Variants in ZNF706 observed in about 807,000 individuals in gnomAD.
ZNF706 encodes zinc finger protein 706.
A neutral mutation model predicts 9.2 loss-of-function variants in ZNF706; 4 were observed. That is an observed-to-expected ratio of 0.43 (90% CI 0.21 to 0.99). The LOEUF is 0.99. ZNF706 is among the 50% of genes least tolerant of loss of function. ZNF706 has a pLI of 0.26. For synonymous variants in ZNF706, 28 were observed against 27.3 expected (o/e 1.03, Z -0.08); for missense variants, 27 against 87.8 (o/e 0.31, Z 2.77).
At chr8:101,199,615 T>A (rs1293246782) in intron 3 of ZNF706, among the ~76,000 whole-genome samples, 1 of 152,188 alleles carries the variant, frequency 6.6e-6, no homozygotes, top group Admixed American at 6.5e-5. Context: ...GAACCTCTGC[T>A]AAGTACTATA....
rs182464719 is a variant in ZNF706, at chr8:101,198,832, A to G, written c.*420T>C. 2.4e-5 allele frequency: 4 copies of G among 165,826 alleles called. No individual in the cohort carries two copies. The highest frequency in any genetic ancestry group is 3.4e-4 in the East Asian group (2 of 5,920). 10.3% of individuals were successfully genotyped at this position (165,826 alleles called of 1,614,324 possible). ...CCTGCCACTGAGCAGAGAAAGGGAT[A>G]TAAGAATTGCACTTGCAATTCTAGC... On this transcript the variant is annotated 3_prime_UTR_variant, in exon 4 of 4. Transcript: ENST00000311212.
intron 1 of ZNF706, chr8:101,204,806 C>G: frequency 1.0e-6 from 1 of 985,410 alleles, no homozygotes; most frequent in Non-Finnish European, 1.2e-6. Flanking sequence ...AAATGAGTAA[C>G]AGAAGAAAAG....
At chr8:101,203,022 A>G (rs1001488223) in intron 1 of ZNF706, 1 of 152,350 alleles carries the variant, frequency 6.6e-6, no homozygotes, top group East Asian at 1.9e-4. Flanking sequence ...TGAGATTATC[A>G]GCAAGCCACT....
chr8:101,202,475 C>T (rs1810597435), intron 1 of ZNF706: 1 of 151,774 alleles, frequency 6.6e-6, no homozygotes, highest in South Asian at 2.1e-4. Context: ...TAAACAAACA[C>T]ACAAACAAAA....
At chr8:101,202,492 T>C (rs906602552) in intron 1 of ZNF706, 2 of 151,940 alleles carry the variant, frequency 1.3e-5, no homozygotes, top group African/African-American at 4.8e-5. Flanking sequence ...AAAAAATTGT[T>C]ACAAGTAACA....
At chr8:101,203,302 T>C (rs1810631820) in intron 1 of ZNF706, 1 of 152,198 alleles carries the variant, frequency 6.6e-6, no homozygotes, top group Non-Finnish European at 1.5e-5. Context: ...TTTAAATATA[T>C]CAAAATTGGA....
At position 101,198,285 on chromosome 8, in the gene ZNF706, G is replaced by C. The variant is rs1455413917; in HGVS notation, c.*967C>G. ...TCACTTAGAAAAGAAAGGAGGGAGA[G>C]GGTTCTGGGAATTAATCCAGCCACA... On this transcript the variant is annotated 3_prime_UTR_variant, in exon 4 of 4. Coordinates refer to ENST00000311212, the MANE Select transcript of ZNF706 (RefSeq NM_016096.5). 1 of 152,112 alleles carries C rather than the reference G, an allele frequency of 6.6e-6. No individual in the cohort carries two copies. The highest frequency in any genetic ancestry group is 2.4e-5 in the African/African-American group (1 of 41,418). 9.4% of individuals were successfully genotyped at this position (152,112 alleles called of 1,614,324 possible). A position where few individuals can be genotyped will look rare whatever the true frequency, so the allele number is the denominator to read the frequency against.
chr8:101,200,244 G>A, intron 2 of ZNF706, 147 bp from the exon 3 acceptor site: 1 of 583,168 alleles, frequency 1.7e-6, no homozygotes, highest in South Asian at 2.0e-5. Flanking sequence ...CATATGAAGA[G>A]GGACTTTGTG....
At position 101,198,494 on chromosome 8, in the gene ZNF706, T is replaced by C. The variant is rs909083514; in HGVS notation, c.*758A>G. ...TTGTTCCATATTTTGCATTAAACAA[T>C]AGGCTTAATGATTATTTCATTACGG... On this transcript the variant is annotated 3_prime_UTR_variant, in exon 4 of 4. Transcript: ENST00000311212. The C allele has an allele frequency of 6.6e-5, 10 of 152,310 alleles. No individual in the cohort carries two copies. The highest frequency in any genetic ancestry group is 2.4e-4 in the African/African-American group (10 of 41,584). The allele number at this position is 152,310 out of a possible 1,614,324, so 9.4% of individuals were successfully genotyped here.
rs1810546967 is a variant in ZNF706, at chr8:101,201,301, G to A, written c.135+306C>T. On this transcript the variant is annotated intron_variant, in intron 2 of 3. Transcript: ENST00000311212. The surrounding 1 kb of genome is among the most constrained non-coding windows in gnomAD (Gnocchi z 4.5). The stretch of plus-strand genomic sequence containing the variant: ...CATATTATATAGCTCTAAGAGTGTA[G>A]AGTTATATGATGTGCTAGTGAAGTG... 2 of 290,324 alleles carry A rather than the reference G, an allele frequency of 6.9e-6. No homozygotes were observed. Among genetic ancestry groups the A allele is most frequent in the Non-Finnish European group, 1.3e-5 (2 of 155,278 alleles). The allele number at this position is 290,324 out of a possible 1,614,324, so 18.0% of individuals were successfully genotyped here.
rs955533985 is a variant in ZNF706, at chr8:101,198,844, C to A, written c.*408G>T. 7 of 170,750 alleles carry A rather than the reference C, an allele frequency of 4.1e-5. No homozygotes were observed. The highest frequency in any genetic ancestry group is 1.7e-4 in the African/African-American group (7 of 42,168). The allele number at this position is 170,750 out of a possible 1,614,324, so 10.6% of individuals were successfully genotyped here. A position where few individuals can be genotyped will look rare whatever the true frequency, so the allele number is the denominator to read the frequency against. ...CAGAGAAAGGGATATAAGAATTGCA[C>A]TTGCAATTCTAGCTGATGAATTCAT... is the stretch of plus-strand genomic sequence containing the variant. On this transcript the variant is annotated 3_prime_UTR_variant, in exon 4 of 4. Transcript: ENST00000311212.
At chr8:101,203,598 G>C (rs1649206176) in intron 1 of ZNF706, 1 of 152,136 alleles carries the variant, frequency 6.6e-6, no homozygotes, top group African/African-American at 2.4e-5. Context: ...AAATATAAAA[G>C]AGGGTCAATG....
At chr8:101,202,465 TAAAC>T (rs1267201327) in intron 1 of ZNF706, 6 of 151,796 alleles carry the variant, frequency 4.0e-5, no homozygotes, top group Non-Finnish European at 7.4e-5. Flanking sequence ...CAAAAATAAA[TAAAC>T]AAACACACAA....
intron 3 of ZNF706, 131 bp downstream of exon 3, chr8:101,199,859 A>T: frequency 1.6e-6 from 1 of 642,240 alleles, no homozygotes; most frequent in Non-Finnish European, 2.6e-6. Flanking sequence ...CTTTTCAGTT[A>T]CACATTAACT....
intron 1 of ZNF706, chr8:101,202,560 T>C (rs1164460500): frequency 6.6e-6 from 1 of 152,176 alleles, no homozygotes; most frequent in Non-Finnish European, 1.5e-5. Flanking sequence ...TATACATTAT[T>C]TAAAGTTCAA....
chr8:101,200,266 C>A, intron 2 of ZNF706, 169 bp from the exon 3 acceptor site: 1 of 537,948 alleles, frequency 1.9e-6, no homozygotes, highest in Non-Finnish European at 3.3e-6. Flanking sequence ...TAAAGAAATT[C>A]CTAACGTTCC....
Position 101,198,997 on chromosome 8 carries a change from T to G in ZNF706, c.*255A>C. 1 of 413,300 alleles carries G rather than the reference T, an allele frequency of 2.4e-6. No homozygotes were observed. The highest frequency in any genetic ancestry group is 4.3e-6 in the Non-Finnish European group (1 of 232,792). 25.6% of individuals were successfully genotyped at this position (413,300 alleles called of 1,614,324 possible). A position where few individuals can be genotyped will look rare whatever the true frequency, so the allele number is the denominator to read the frequency against. ...ATTTTACACAATATGAACATCAATA[T>G]AATTACAATTGTAAAAAAATTTTTT... On this transcript the variant is annotated 3_prime_UTR_variant, in exon 4 of 4. Coordinates refer to ENST00000311212, the MANE Select transcript of ZNF706 (RefSeq NM_016096.5).
rs960857989 is a variant in ZNF706 at position 101,201,278 on chromosome 8, T to C, written c.135+329A>G. 4.9e-5 allele frequency: 11 copies of C among 222,236 alleles called. No individual in the cohort carries two copies. Among genetic ancestry groups the C allele is most frequent in the Non-Finnish European group, 8.9e-5 (10 of 112,370 alleles). The allele number at this position is 222,236 out of a possible 1,614,324, so 13.8% of individuals were successfully genotyped here. On this transcript the variant is annotated intron_variant, in intron 2 of 3. Transcript: ENST00000311212. The surrounding 1 kb of genome is among the most constrained non-coding windows in gnomAD (Gnocchi z 4.5). ...ATAACTAGAGGTATACTTACTAGCATATTATATAGCTCTAAGAGTGTAGAG... is the reference window on the plus strand; with the variant it reads ...ATAACTAGAGGTATACTTACTAGCACATTATATAGCTCTAAGAGTGTAGAG...
chr8:101,202,882 G>A (rs755387891), intron 1 of ZNF706: 4 of 152,166 alleles, frequency 2.6e-5, no homozygotes, highest in Admixed American at 2.6e-4. Flanking sequence ...AATAAAAGCT[G>A]TCTGTTACTC....
Sources: allele counts gnomAD v4.1 joint callset (sites outside exome capture counted in the v4.1 genomes callset), GRCh38; gene constraint gnomAD v4.1.1; non-coding constraint Gnocchi (gnomAD v3.1); transcripts MANE v1.5; gene names NCBI Gene and HGNC (gene_info 2026-07-23, HGNC 2026-07-21).